Variants in PTPRS observed in about 807,000 individuals in gnomAD.
The protein encoded by PTPRS is protein tyrosine phosphatase receptor type S.
A neutral mutation model predicts 215.3 loss-of-function variants in PTPRS; 63 were observed. The observed-to-expected ratio is 0.29, with a 90% confidence interval of 0.24 to 0.36. PTPRS has a LOEUF of 0.36. Ranked by LOEUF, PTPRS falls within the 10% of genes least tolerant of loss-of-function variation. PTPRS has a pLI of 1.00. For synonymous variants in PTPRS, 1,404 were observed against 1,191.4 expected, an observed-to-expected ratio of 1.18 and a Z score of -3.68; for missense variants, 2,258 against 2,825.8, an observed-to-expected ratio of 0.80 and a Z score of 4.56.
chr19:5,305,274 G>A (rs1447061605), intron 1 of PTPRS, among the ~76,000 whole-genome samples: 2 of 152,156 alleles, frequency 1.3e-5, no homozygotes, highest in African/African-American at 4.8e-5. Flanking sequence ...TGCCGAGCAT[G>A]GTGGCTCATG....
chr19:5,277,405 C>T (rs112222229), intron 2 of PTPRS, among the ~76,000 whole-genome samples: 8 of 152,058 alleles, frequency 5.3e-5, no homozygotes, highest in African/African-American at 1.9e-4. Flanking sequence ...CCTGTAATCC[C>T]AGCACTCTGG....
intron 23 of PTPRS, 83 bp from the exon 24 acceptor site, chr19:5,218,881 G>A: frequency 2.9e-6 from 4 of 1,362,928 alleles, no homozygotes; most frequent in Non-Finnish European, 4.0e-6. Context: ...GGCTTGTTCT[G>A]TGACTCTCAG....
rs751276091 is a variant in PTPRS at position 5,210,813 on chromosome 19, C to T, written c.5235-8G>A. ...ATGTAGGCCTTCTGCTGCCTGCAGG[C>T]GTTGGGGGTATGAGCCCAGGGCCGG... On this transcript the variant is annotated splice_polypyrimidine_tract_variant and splice_region_variant and intron_variant, in intron 33 of 37. Coordinates refer to ENST00000262963, the MANE Select transcript of PTPRS (RefSeq NM_002850.4). The surrounding 1 kb of genome is among the most constrained non-coding windows in gnomAD (Gnocchi z 4.5). The T allele has an allele frequency of 5.7e-5, 92 of 1,612,544 alleles. No homozygotes were observed. Among genetic ancestry groups the T allele is most frequent in the Non-Finnish European group, 7.0e-5 (83 of 1,179,778 alleles).
intron 1 of PTPRS, among the ~76,000 whole-genome samples, chr19:5,299,769 C>A (rs1478894094): frequency 6.6e-6 from 1 of 152,054 alleles, no homozygotes; most frequent in Admixed American, 6.6e-5. Flanking sequence ...CTACTCGGGG[C>A]TGAGGCAGGA....
intron 6 of PTPRS, 52 bp downstream of exon 6, chr19:5,262,912 C>T: frequency 6.5e-7 from 1 of 1,535,984 alleles, no homozygotes; most frequent in African/African-American, 1.4e-5. Flanking sequence ...GCAGAAGGGG[C>T]ACAAAGGGGA....
Position 5,294,993 on chromosome 19 carries a change from G to A in PTPRS, c.-94-8759C>T, listed in dbSNP as rs2049090249. On this transcript the variant is annotated intron_variant, in intron 1 of 37. Transcript: ENST00000262963. The surrounding 1 kb of genome is among the most constrained non-coding windows in gnomAD (Gnocchi z 5.1). The stretch of plus-strand genomic sequence containing the variant: ...CAAAGGCACACAGGAGGTTCCCTGT[G>A]TCAATGTAGGCGTAGGAGCAACCAG... Among the ~76,000 whole-genome samples the A allele has an allele frequency of 6.6e-6, 1 of 152,216 alleles. No homozygotes were observed. Among genetic ancestry groups the A allele is most frequent in the South Asian group, 2.1e-4 (1 of 4,830 alleles).
chr19:5,229,830 G>A (rs887400089), intron 14 of PTPRS, 146 bp from the exon 15 acceptor site: 3 of 478,398 alleles, frequency 6.3e-6, no homozygotes, highest in Non-Finnish European at 9.8e-6. Context: ...CCACCGGGCG[G>A]GAGGACATGG....
intron 1 of PTPRS, among the ~76,000 whole-genome samples, chr19:5,319,937 A>G (rs373967535): frequency 6.6e-6 from 1 of 151,950 alleles, no homozygotes; most frequent in East Asian, 1.9e-4. Flanking sequence ...CGTGCTATAT[A>G]TCGTATTTTG....
chr19:5,281,279 G>A (rs534222132), intron 2 of PTPRS, among the ~76,000 whole-genome samples: 29 of 152,062 alleles, frequency 1.9e-4, no homozygotes, highest in African/African-American at 7.0e-4. Flanking sequence ...TGAACAACAT[G>A]GTGAAACCCC....
intron 4 of PTPRS, among the ~76,000 whole-genome samples, chr19:5,268,624 G>A (rs1322593816): frequency 1.3e-5 from 2 of 152,248 alleles, no homozygotes; most frequent in Middle Eastern, 3.4e-3. Flanking sequence ...GGCAGTTCCA[G>A]CTCGGGGGTC....
intron 4 of PTPRS, among the ~76,000 whole-genome samples, chr19:5,272,563 A>C (rs2047001744): frequency 7.7e-6 from 1 of 129,356 alleles, no homozygotes; most frequent in Admixed American, 9.1e-5. Context: ...ATGCCACTGT[A>C]CTCTGGCCAG....
Position 5,257,967 on chromosome 19 carries a change from G to A in PTPRS, c.706+50C>T. 1 of 1,488,326 alleles carries A rather than the reference G, an allele frequency of 6.7e-7. No individual in the cohort carries two copies. Among genetic ancestry groups the A allele is most frequent in the Non-Finnish European group, 9.3e-7 (1 of 1,079,772 alleles). The allele number at this position is 1,488,326 out of a possible 1,614,324, so 92.2% of individuals were successfully genotyped here. ...GGCGGTGAGCCCGAGGAGGGAGGGG[G>A]ATGGGACGGGGCGGGTCCCTGCCTT... On this transcript the variant is annotated intron_variant, in intron 8 of 37. Coordinates refer to ENST00000262963, the MANE Select transcript of PTPRS (RefSeq NM_002850.4). The surrounding 1 kb of genome is among the most constrained non-coding windows in gnomAD (Gnocchi z 4.4).
At chr19:5,325,105 C>G (rs2147242440) in intron 1 of PTPRS, among the ~76,000 whole-genome samples, 1 of 152,336 alleles carries the variant, frequency 6.6e-6, no homozygotes, top group South Asian at 2.1e-4. Flanking sequence ...AGGCCCCTTC[C>G]ACCTCTTTGA....
At chr19:5,229,831 G>C (rs1200041880) in intron 14 of PTPRS, 147 bp from the exon 15 acceptor site, 16 of 479,110 alleles carry the variant, frequency 3.3e-5, no homozygotes, top group Non-Finnish European at 5.2e-5. Flanking sequence ...CACCGGGCGG[G>C]AGGACATGGC....
chr19:5,278,054 C>A lies in PTPRS; in HGVS notation c.92-3710G>T, dbSNP rs1003227382. ...CTCACAGTGTTTCCTCCAAGAAACG[C>A]AAAACCAACGTGGAAAGGGCCGCCC... On this transcript the variant is annotated intron_variant, in intron 2 of 37. Transcript: ENST00000262963. 686 of 1,114,174 alleles carry A rather than the reference C, an allele frequency of 6.2e-4. 6 individuals carry two copies. The highest frequency in any genetic ancestry group is 5.9e-4 in the Middle Eastern group (2 of 3,404). 69.0% of individuals were successfully genotyped at this position (1,114,174 alleles called of 1,614,324 possible).
chr19:5,243,388 C>T (rs1599645967), intron 11 of PTPRS, among the ~76,000 whole-genome samples: 3 of 152,036 alleles, frequency 2.0e-5, no homozygotes, highest in East Asian at 1.9e-4. Flanking sequence ...CACTCGCCTC[C>T]GACTCCCAAA....
chr19:5,212,037 G>C lies in PTPRS; in HGVS notation c.4983C>G (p.Leu1661=), dbSNP rs905268893. ...CGNTEVPARS[L]YAYIQKLAQV... is the part of the protein sequence containing the mutation. ...GGGCCAGCTTCTGGATGTAGGCATA[G>C]AGGCTGCGTGCGGGCACTTCTGTGT... The change falls in exon 32 of 38, where the codon CTC becomes CTG. Residue 1661 remains leucine (L), a synonymous_variant. Transcript: ENST00000262963. 6 of 1,613,852 alleles carry C rather than the reference G, an allele frequency of 3.7e-6. No individual in the cohort carries two copies. In the African/African-American group the frequency reaches 6.7e-5, roughly 18 times the overall value.
chr19:5,261,354 G>A (rs2045978003), intron 6 of PTPRS, among the ~76,000 whole-genome samples: 1 of 152,204 alleles, frequency 6.6e-6, no homozygotes, highest in Non-Finnish European at 1.5e-5. Flanking sequence ...TACAGCCAAG[G>A]AAGGGTGTCA....
In PTPRS at chr19:5,262,966, A is replaced by G; in HGVS notation, c.575T>C (p.Phe192Ser). 1 of 1,531,626 alleles carries G rather than the reference A, an allele frequency of 6.5e-7. No homozygotes were observed. Among genetic ancestry groups the G allele is most frequent in the Non-Finnish European group, 8.9e-7 (1 of 1,129,606 alleles). 94.9% of individuals were successfully genotyped at this position (1,531,626 alleles called of 1,614,324 possible). A position where few individuals can be genotyped will look rare whatever the true frequency, so the allele number is the denominator to read the frequency against. Reference protein sequence around the residue: ...GRIKQLRSETFESTPIRGALQ... With the variant: ...GRIKQLRSETSESTPIRGALQ... The stretch of plus-strand genomic sequence containing the variant: ...CGTGGTGATGAAATCAGACTTACCA[A>G]AGGTTTCTGAACGTTTACAACAGGA... Residue 192 changes from phenylalanine to serine, a missense_variant and splice_region_variant, in exon 6 of 38, where the codon TTT becomes TCT. Around this residue, in one of 6 missense-constraint regions of PTPRS, gnomAD observed 508 missense variants for 799.4 expected, o/e 0.64. Coordinates refer to ENST00000262963, the MANE Select transcript of PTPRS (RefSeq NM_002850.4).
Sources: allele counts gnomAD v4.1 joint callset (sites outside exome capture counted in the v4.1 genomes callset), GRCh38; gene constraint gnomAD v4.1.1; regional missense constraint gnomAD v4.1.1; non-coding constraint Gnocchi (gnomAD v3.1); transcripts MANE v1.5; gene names NCBI Gene and HGNC (gene_info 2026-07-23, HGNC 2026-07-21).